Variants in ARSG observed in about 807,000 individuals in gnomAD.
ARSG encodes the protein ASG.
Under a neutral mutation model 50.5 loss-of-function variants are expected in ARSG, and 37 were observed. The ratio of observed to expected loss-of-function variants is 0.73; its 90% CI spans 0.56 to 0.96. The LOEUF is 0.96. Among genes scored for constraint, ARSG ranks in the 50% least tolerant of loss-of-function variants. ARSG has a pLI of 0.00. For missense variants in ARSG, 629 were observed against 675.3 expected, an observed-to-expected ratio of 0.93 and a Z score of 0.76; for synonymous variants, 225 against 254.6, an observed-to-expected ratio of 0.88 and a Z score of 1.11.
At chr17:68,445,181 A>G in the ARSG span, among the ~76,000 whole-genome samples, 1 of 151,900 alleles carries the variant, frequency 6.6e-6, no homozygotes, top group African/African-American at 2.4e-5. Flanking sequence ...CGGCCTCCCA[A>G]AGTGCTGGGA....
intron 11 of ARSG, among the ~76,000 whole-genome samples, chr17:68,412,498 T>C (rs1336578824): frequency 4.6e-5 from 7 of 152,260 alleles, no homozygotes; most frequent in Non-Finnish European, 1.0e-4. Context: ...CCACTGTTAG[T>C]CTGATGGGCT....
intron 1 of ARSG, among the ~76,000 whole-genome samples, chr17:68,282,802 G>T (rs1206953151): frequency 1.4e-5 from 1 of 69,518 alleles, no homozygotes; most frequent in Admixed American, 1.5e-4. Flanking sequence ...AAAAAAAAAG[G>T]CCAGGTGTGC....
At chr17:68,414,027 T>A (rs2082203059) in intron 11 of ARSG, 1 of 155,546 alleles carries the variant, frequency 6.4e-6, no homozygotes, top group South Asian at 2.0e-4. Flanking sequence ...CACTCCCTAG[T>A]GAGATGAACC....
At chr17:68,398,305 A>G (rs1352476204) in intron 10 of ARSG, among the ~76,000 whole-genome samples, 3 of 152,222 alleles carry the variant, frequency 2.0e-5, no homozygotes, top group Non-Finnish European at 2.9e-5. Flanking sequence ...ATGCATGCAC[A>G]CACATACATG....
In ARSG at chr17:68,309,790, C is replaced by T. The variant is rs573114080; in HGVS notation, c.218+2079C>T. ...AGGAGAATCACTTGAACCTGGGAGG[C>T]AGAGGTTGCAGTGAGCTGAGATCGC... On this transcript the variant is annotated intron_variant, in intron 2 of 11. Coordinates refer to ENST00000621439, the MANE Select transcript of ARSG (RefSeq NM_001267727.2). 2.7e-3 allele frequency among the ~76,000 whole-genome samples: 402 copies of T among 151,078 alleles called. 1 individual carries two copies. Among genetic ancestry groups the T allele is most frequent in the Non-Finnish European group, 4.1e-3 (277 of 67,772 alleles).
At chr17:68,288,648 G>A (rs1344299988), upstream of ARSG, among the ~76,000 whole-genome samples, 1 of 152,190 alleles carries the variant, frequency 6.6e-6, no homozygotes, top group Non-Finnish European at 1.5e-5. Flanking sequence ...ACTAGACTCT[G>A]ATGAGCTTAG....
At chr17:68,350,603 G>A (rs1190678530) in intron 4 of ARSG, among the ~76,000 whole-genome samples, 3 of 151,838 alleles carry the variant, frequency 2.0e-5, no homozygotes, top group African/African-American at 7.3e-5. Context: ...GGCTAACACG[G>A]TGAAAACCCA....
chr17:68,430,085 G>C, the ARSG span: 1 of 1,614,036 alleles, frequency 6.2e-7, no homozygotes, highest in African/African-American at 1.3e-5. Flanking sequence ...CTGACACCTG[G>C]GTAGGGAGGT....
At chr17:68,274,183 T>A in intron 1 of ARSG, 3 of 1,195,486 alleles carry the variant, frequency 2.5e-6, no homozygotes, top group Middle Eastern at 2.7e-4. Flanking sequence ...AATATAAATA[T>A]GGCCGAGCGC....
At chr17:68,330,464 A>G (rs1411894449) in intron 2 of ARSG, among the ~76,000 whole-genome samples, 4 of 152,056 alleles carry the variant, frequency 2.6e-5, no homozygotes, top group African/African-American at 7.2e-5. Flanking sequence ...ATAGATGGAG[A>G]GAAATGGATA....
At chr17:68,424,558 G>A (rs376493454), downstream of ARSG, 48 of 525,616 alleles carry the variant, frequency 9.1e-5, no homozygotes, top group Admixed American at 7.4e-4. Context: ...GGCTCTAGGA[G>A]CTGATGCTCC....
chr17:68,386,554 A>G (rs2080735060), intron 9 of ARSG, among the ~76,000 whole-genome samples: 3 of 152,162 alleles, frequency 2.0e-5, no homozygotes, highest in Admixed American at 2.0e-4. Flanking sequence ...AGCCCTGTAC[A>G]GTCAGGAGGG....
At chr17:68,272,899 G>T in intron 1 of ARSG, 1 of 1,068,538 alleles carries the variant, frequency 9.4e-7, no homozygotes, top group Non-Finnish European at 1.3e-6. Context: ...AATTCATTCT[G>T]GACAAAGGTG....
downstream of ARSG, among the ~76,000 whole-genome samples, chr17:68,426,869 C>A (rs1476572773): frequency 1.3e-5 from 2 of 152,174 alleles, no homozygotes; most frequent in Non-Finnish European, 2.9e-5. Flanking sequence ...AGGGTTAACA[C>A]CACTTGTTAG....
the ARSG span, chr17:68,434,508 C>A: frequency 1.9e-6 from 3 of 1,601,842 alleles, no homozygotes; most frequent in South Asian, 1.1e-5. Flanking sequence ...GCGGTCCCTG[C>A]GGGACTTCTG....
At chr17:68,360,634 G>A (rs1253269533) in intron 6 of ARSG, among the ~76,000 whole-genome samples, 1 of 152,146 alleles carries the variant, frequency 6.6e-6, no homozygotes, top group East Asian at 1.9e-4. Context: ...TAAGCAGCAG[G>A]CAAATCTCTG....
At chr17:68,292,707 G>T (rs1399295999) in intron 1 of ARSG, among the ~76,000 whole-genome samples, 1 of 152,082 alleles carries the variant, frequency 6.6e-6, no homozygotes, top group Non-Finnish European at 1.5e-5. Context: ...TTCCTTGCTC[G>T]CTGAGTTCTC....
chr17:68,345,591 C>T (rs1411633170), intron 3 of ARSG, among the ~76,000 whole-genome samples: 2 of 152,178 alleles, frequency 1.3e-5, no homozygotes, highest in Non-Finnish European at 1.5e-5. Context: ...AACTAAAGTA[C>T]ACTTTTAGGA....
chr17:68,393,684 C>T (rs901922989), intron 9 of ARSG, among the ~76,000 whole-genome samples: 8 of 151,792 alleles, frequency 5.3e-5, no homozygotes, highest in South Asian at 4.2e-4. Flanking sequence ...CTGGCCAACA[C>T]GGCGAAACCC....
Sources: gnomAD v4.1 joint callset for allele counts (sites outside exome capture counted in the v4.1 genomes callset) on GRCh38, gnomAD v4.1.1 for gene constraint, MANE v1.5 for transcripts, NCBI Gene and HGNC (gene_info 2026-07-23, HGNC 2026-07-21) for gene names.